Variants in ASPM observed in about 807,000 individuals in gnomAD.
The protein encoded by ASPM is assembly factor for spindle microtubules, also known as abnormal spindle-like microcephaly-associated protein.
A neutral mutation model predicts 366.4 loss-of-function variants in ASPM; 256 were observed. The ratio of observed to expected loss-of-function variants is 0.70; its 90% CI spans 0.63 to 0.77. The LOEUF (loss-of-function observed/expected upper bound fraction) is 0.77. ASPM is among the 30% of genes least tolerant of loss of function. ASPM has a pLI of 0.00. For missense variants in ASPM, 4,146 were observed against 4,090.4 expected (o/e 1.01, Z -0.37); for synonymous variants, 1,414 against 1,342.9 (o/e 1.05, Z -1.16).
chr1:197,135,139 T>C lies in ASPM; in HGVS notation c.2130A>G (p.Ile710Met), dbSNP rs770457638. Residue 710 changes from isoleucine (I) to methionine (M), a missense_variant, in exon 5 of 28, where the codon ATA (isoleucine) becomes ATG (methionine). Around this residue, in one of 3 missense-constraint regions of ASPM, gnomAD observed 3,624 missense variants for 3,591.7 expected, o/e 1.01. Coordinates refer to ENST00000367409, the MANE Select transcript of ASPM (RefSeq NM_018136.5). ...EQGFTWWLNF[I>M]LTPDDFTVKT... is the part of the protein sequence containing the mutation. ...TTACAGTGAAGTCATCAGGGGTTAA[T>C]ATAAAATTTAACCACCAAGTGAAGC... The C allele has an allele frequency of 5.6e-6, 9 of 1,607,730 alleles. No individual in the cohort carries two copies. Among genetic ancestry groups the C allele is most frequent in the Non-Finnish European group, 6.8e-6 (8 of 1,174,416 alleles).
In ASPM at chr1:197,143,519, T is replaced by C. The variant is rs1170974869; in HGVS notation, c.733A>G (p.Thr245Ala). 1 of 1,613,998 alleles carries C rather than the reference T, an allele frequency of 6.2e-7. No homozygotes were observed. Among genetic ancestry groups the C allele is most frequent in the Non-Finnish European group, 8.5e-7 (1 of 1,179,930 alleles). Residue 245 changes from threonine (T) to alanine (A), a missense_variant, in exon 3 of 28, where the codon ACT (threonine) becomes GCT (alanine). Coordinates refer to ENST00000367409, the MANE Select transcript of ASPM (RefSeq NM_018136.5). Reference sequence around the variant, plus strand: ...GATGCATGAAGAGATGAGTAGGTAGTAGATCGACGTACAGAGAGTGGCAAG... The same window carrying C: ...GATGCATGAAGAGATGAGTAGGTAGCAGATCGACGTACAGAGAGTGGCAAG... ...TCLPLSVRRS[T>A]TYSSLHASEN...
chr1:197,144,097 T>C lies in ASPM; in HGVS notation c.301A>G (p.Lys101Glu), dbSNP rs549294276. Reference protein sequence around the residue: ...VSQRCFVLQPKEKIVISVNWT... With the variant: ...VSQRCFVLQPEEKIVISVNWT... ...TTAACAGAAATAACAATTTTCTCTT[T>C]AGGCTATAATCAAAACAATACATTA... The change falls in exon 2 of 28, where the codon AAA becomes GAA. Residue 101 changes from lysine to glutamate, a missense_variant. Coordinates refer to ENST00000367409, the MANE Select transcript of ASPM (RefSeq NM_018136.5). 3 of 1,597,350 alleles carry C rather than the reference T, an allele frequency of 1.9e-6. No individual in the cohort carries two copies. Among genetic ancestry groups the C allele is most frequent in the Non-Finnish European group, 2.6e-6 (3 of 1,165,270 alleles).
chr1:197,122,561 C>T lies in ASPM; in HGVS notation c.3425G>A (p.Arg1142His), dbSNP rs769743214. ...ATGGTGGATCAGGTAACATAACACA[C>T]GGCCGTCTGAGAAAGACACTGTAAA... Reference protein sequence around the residue: ...ENFTVSFSDGRVLCYLIHHYH... With the variant: ...ENFTVSFSDGHVLCYLIHHYH... Residue 1142 changes from arginine to histidine, a missense_variant, in exon 14 of 28, where the codon CGT (arginine) becomes CAT (histidine). By Grantham distance (29) the Arg-to-His change is conservative. This residue lies in a region of ASPM where 3,624 missense variants were observed against 3,591.7 expected (regional missense o/e 1.01). Transcript: ENST00000367409. The T allele has an allele frequency of 4.3e-6, 7 of 1,611,692 alleles. No homozygotes were observed. Among genetic ancestry groups the T allele is most frequent in the South Asian group, 2.2e-5 (2 of 90,692 alleles).
At chr1:197,099,225 A>AT (rs751965402) in intron 18 of ASPM, among the ~76,000 whole-genome samples, 1,484 of 140,480 alleles carry the variant, frequency 0.011, 6 homozygotes, top group African/African-American at 0.022. Flanking sequence ...TGCCAGAGTA[A>AT]TTTTTTTTTT....
chr1:197,093,975 T>A (rs1656879550), intron 20 of ASPM, 109 bp downstream of exon 20: 1 of 752,832 alleles, frequency 1.3e-6, no homozygotes, highest in African/African-American at 1.8e-5. Context: ...TTAAAAACAC[T>A]TTTTTTCCAG....
At chr1:197,090,527 CAAATAAATAGCA>C (rs1656745382) in intron 23 of ASPM, 139 bp from the exon 24 acceptor site, 2 of 782,934 alleles carry the variant, frequency 2.6e-6, no homozygotes, top group Admixed American at 6.2e-5. Context: ...ATCTCAAGTT[CAAATAAATAGCA>C]AAATCAACTT....
chr1:197,096,452 G>A (rs1212244820), intron 18 of ASPM, among the ~76,000 whole-genome samples: 6 of 149,154 alleles, frequency 4.0e-5, no homozygotes, highest in Admixed American at 6.6e-5. Flanking sequence ...AGACACACAT[G>A]TCTGAAAAGC....
chr1:197,146,444 T>G lies in ASPM; in HGVS notation c.-7A>C, dbSNP rs1449124304. 3 of 1,605,984 alleles carry G rather than the reference T, an allele frequency of 1.9e-6. No individual in the cohort carries two copies. In the South Asian group the frequency reaches 3.3e-5, roughly 18 times the overall value. The stretch of plus-strand genomic sequence containing the variant: ...CCACTCGCCGGTTCGCCATGGCAGA[T>G]TCGAGACCCCTCCTGGATCTCCTTG... On this transcript the variant is annotated 5_prime_UTR_variant, in exon 1 of 28. Transcript: ENST00000367409.
intron 5 of ASPM, among the ~76,000 whole-genome samples, chr1:197,133,838 G>A (rs776878695): frequency 6.6e-5 from 10 of 151,912 alleles, no homozygotes; most frequent in African/African-American, 1.9e-4. Flanking sequence ...TCTCTAATCC[G>A]GACTAATGAA....
chr1:197,112,297 G>A (rs867176107), intron 17 of ASPM, among the ~76,000 whole-genome samples: 2 of 152,084 alleles, frequency 1.3e-5, no homozygotes, highest in Admixed American at 6.6e-5. Flanking sequence ...TTATAAGTGG[G>A]AGCTAAATGA....
At chr1:197,089,659 AT>A (rs1377496420) in intron 25 of ASPM, among the ~76,000 whole-genome samples, 2 of 152,006 alleles carry the variant, frequency 1.3e-5, no homozygotes, top group East Asian at 3.8e-4. Context: ...AAATACTAGC[AT>A]GTAGTAAGTA....
rs1557957266 is a variant in ASPM at position 197,125,200 on chromosome 1, AATAAAATGT to A, written c.2937-18_2937-10del. On this transcript the variant is annotated splice_polypyrimidine_tract_variant and intron_variant, in intron 10 of 27. Coordinates refer to ENST00000367409, the MANE Select transcript of ASPM (RefSeq NM_018136.5). ...GAAGTTCCATGGTTCGCCTGGCAGTAATAAAATGTTCAGATGAAATTATCATAAAAACGT... is the reference window on the plus strand; with the variant it reads ...GAAGTTCCATGGTTCGCCTGGCAGTATCAGATGAAATTATCATAAAAACGT... 6.2e-7 allele frequency: 1 copy of A among 1,613,892 alleles called. No homozygotes were observed. The highest frequency in any genetic ancestry group is 8.5e-7 in the Non-Finnish European group (1 of 1,179,780).
chr1:197,131,697 T>A (rs893373802), intron 7 of ASPM, among the ~76,000 whole-genome samples: 1 of 152,074 alleles, frequency 6.6e-6, no homozygotes, highest in Non-Finnish European at 1.5e-5. Flanking sequence ...TAGCTGGGAC[T>A]ACACGCGCCC....
chr1:197,122,939 C>T (rs1203984854), intron 13 of ASPM, among the ~76,000 whole-genome samples: 3 of 151,998 alleles, frequency 2.0e-5, no homozygotes, highest in Non-Finnish European at 1.5e-5. Context: ...AGTGGATTCT[C>T]GTTATTTGTG....
intron 20 of ASPM, 89 bp downstream of exon 20, chr1:197,093,991 GATTT>G (rs1398845753): frequency 4.3e-5 from 37 of 857,466 alleles, no homozygotes; most frequent in Non-Finnish European, 6.1e-5. Flanking sequence ...TCCAGCGAAG[GATTT>G]ATTTTTAAAA....
chr1:197,131,417 A>C (rs1658249435), intron 7 of ASPM, among the ~76,000 whole-genome samples: 1 of 152,240 alleles, frequency 6.6e-6, no homozygotes, highest in Non-Finnish European at 1.5e-5. Context: ...TTTCTAATTC[A>C]GTCAGTTTCA....
chr1:197,137,592 C>T (rs1424900237), intron 4 of ASPM, among the ~76,000 whole-genome samples: 1 of 152,104 alleles, frequency 6.6e-6, no homozygotes, highest in African/African-American at 2.4e-5. Context: ...GCGACTCTCC[C>T]GCCTCAGCCT....
At position 197,103,881 on chromosome 1, in the gene ASPM, T is replaced by C; in HGVS notation, c.5370A>G (p.Ala1790=). Residue 1790 remains alanine, a synonymous_variant, in exon 18 of 28, where the codon GCA becomes GCG. Coordinates refer to ENST00000367409, the MANE Select transcript of ASPM (RefSeq NM_018136.5). The part of the protein sequence containing the change: ...VIQNYYHAYK[A]QVNQRKNFLQ... Reference sequence around the variant, plus strand: ...AGAAGTTCTTCCTCTGATTGACCTGTGCTTTGTATGCATGATAGTAATTCT... The same window carrying C: ...AGAAGTTCTTCCTCTGATTGACCTGCGCTTTGTATGCATGATAGTAATTCT... The C allele has an allele frequency of 1.2e-6, 2 of 1,612,930 alleles. No individual in the cohort carries two copies. Among genetic ancestry groups the C allele is most frequent in the Admixed American group, 3.3e-5 (2 of 59,818 alleles).
In ASPM at chr1:197,103,768, G is replaced by C; in HGVS notation, c.5483C>G (p.Ala1828Gly). Residue 1828 changes from alanine to glycine, a missense_variant, in exon 18 of 28, where the codon GCT (alanine) becomes GGT (glycine). Ala to Gly is a moderately conservative substitution (Grantham distance 60). This residue lies in a region of ASPM where 3,624 missense variants were observed against 3,591.7 expected (regional missense o/e 1.01). Transcript: ENST00000367409. Reference sequence around the variant, plus strand: ...TCTAAAAGCAGACTGAATTTTAAGAGCAGCTATAGATTGTTGTTTGATTAG... The same window carrying C: ...TCTAAAAGCAGACTGAATTTTAAGACCAGCTATAGATTGTTGTTTGATTAG... ...RQLIKQQSIA[A>G]LKIQSAFRGY... 1 of 1,612,820 alleles carries C rather than the reference G, an allele frequency of 6.2e-7. No homozygotes were observed. The highest frequency in any genetic ancestry group is 1.3e-5 in the African/African-American group (1 of 74,950).
Sources: gnomAD v4.1 joint callset for allele counts (sites outside exome capture counted in the v4.1 genomes callset) on GRCh38, gnomAD v4.1.1 for gene constraint, gnomAD v4.1.1 regional missense constraint, MANE v1.5 for transcripts, NCBI Gene and HGNC (gene_info 2026-07-23, HGNC 2026-07-21) for gene names.